Variants in ADGB observed in about 807,000 individuals in gnomAD.
ADGB encodes calpain-7-like protein.
ADGB carries 172 observed loss-of-function variants against 210.5 expected under a neutral mutation model. That is an observed-to-expected ratio of 0.82 (90% CI 0.72 to 0.93). The LOEUF (loss-of-function observed/expected upper bound fraction) is 0.93, where lower values mean the gene tolerates loss of function less well. ADGB is among the 40% of genes least tolerant of loss of function. The pLI, the probability that ADGB is intolerant of heterozygous loss-of-function variation, is 0.00. For synonymous variants in ADGB, 658 were observed against 662.7 expected (o/e 0.99, Z 0.11); for missense variants, 2,025 against 1,964.8 (o/e 1.03, Z -0.58).
chr6:146,769,494 C>A (rs1388488344), intron 29 of ADGB, among the ~76,000 whole-genome samples: 1 of 151,996 alleles, frequency 6.6e-6, no homozygotes, highest in African/African-American at 2.4e-5. Flanking sequence ...GCATTAAATA[C>A]AAGCTTTTAA....
chr6:146,656,485 C>T (rs939427124), intron 4 of ADGB, among the ~76,000 whole-genome samples: 20 of 152,144 alleles, frequency 1.3e-4, no homozygotes, highest in African/African-American at 4.3e-4. Context: ...ATATCAGTGT[C>T]AAATAGAAGT....
intron 29 of ADGB, 40 bp downstream of exon 29, chr6:146,769,171 G>T: frequency 2.1e-6 from 2 of 950,950 alleles, no homozygotes; most frequent in Non-Finnish European, 3.2e-6. Flanking sequence ...CTTTACATTT[G>T]AATAAGTTGA....
intron 22 of ADGB, among the ~76,000 whole-genome samples, chr6:146,736,197 T>G (rs1323551877): frequency 6.6e-6 from 1 of 152,212 alleles, no homozygotes; most frequent in African/African-American, 2.4e-5. Context: ...AAAAAAAGTT[T>G]TAGTGTGACA....
Position 146,701,028 on chromosome 6 carries a change from T to C in ADGB, c.1665T>C (p.His555=). The change falls in exon 13 of 36, where the codon CAT becomes CAC. Residue 555 remains histidine, a synonymous_variant. Coordinates refer to ENST00000397944, the MANE Select transcript of ADGB (RefSeq NM_024694.4). The part of the protein sequence containing the change: ...SVSETDETAT[H]SQTDLSQITK... ...GTGAAACTGATGAAACTGCAACACA[T>C]AGCCAGACAGACTTGAGTCAAATAA... The C allele has an allele frequency of 1.3e-6, 2 of 1,550,930 alleles. No homozygotes were observed. The highest frequency in any genetic ancestry group is 8.7e-7 in the Non-Finnish European group (1 of 1,146,450).
intron 25 of ADGB, among the ~76,000 whole-genome samples, chr6:146,743,548 G>C (rs1254519739): frequency 6.6e-6 from 1 of 152,190 alleles, no homozygotes; most frequent in African/African-American, 2.4e-5. Flanking sequence ...TGTAAATTGA[G>C]ATTGCAGCAA....
At chr6:146,649,163 T>G (rs1002494963) in intron 3 of ADGB, among the ~76,000 whole-genome samples, 8 of 151,228 alleles carry the variant, frequency 5.3e-5, no homozygotes, top group Admixed American at 2.0e-4. Context: ...AAGTTTTGTT[T>G]TTTTTTTTTT....
At chr6:146,811,216 C>G (rs1647171913) in intron 35 of ADGB, among the ~76,000 whole-genome samples, 2 of 152,100 alleles carry the variant, frequency 1.3e-5, no homozygotes, top group Non-Finnish European at 2.9e-5. Context: ...CTCATATGCT[C>G]ACACCAATAT....
At position 146,788,553 on chromosome 6, in the gene ADGB, G is replaced by A. The variant is rs1403207611; in HGVS notation, c.4480G>A (p.Gly1494Arg). 48 of 1,551,536 alleles carry A rather than the reference G, an allele frequency of 3.1e-5. No homozygotes were observed. Among genetic ancestry groups the A allele is most frequent in the Non-Finnish European group, 4.4e-6 (5 of 1,146,926 alleles). ...AAAATCCACGAGTAGCGAAAGTGGA[G>A]GAGTGTCTTCACCAGGGAAAGAAGA... ...VAKSTSSESG[G>R]VSSPGKEERE... Residue 1494 changes from glycine to arginine, a missense_variant, in exon 33 of 36, where the codon GGA becomes AGA. Transcript: ENST00000397944.
At chr6:146,666,092 C>T (rs1775933845) in intron 6 of ADGB, among the ~76,000 whole-genome samples, 1 of 152,016 alleles carries the variant, frequency 6.6e-6, no homozygotes, top group Admixed American at 6.6e-5. Flanking sequence ...AGTAAGATTT[C>T]TTTCTGAAGA....
intron 27 of ADGB, among the ~76,000 whole-genome samples, chr6:146,756,628 C>T (rs942163854): frequency 1.3e-5 from 2 of 151,978 alleles, no homozygotes; most frequent in African/African-American, 2.4e-5. Context: ...TGTAATTGTG[C>T]TCGCTAAACA....
At chr6:146,737,593 T>A (rs926645530) in intron 23 of ADGB, among the ~76,000 whole-genome samples, 1 of 152,192 alleles carries the variant, frequency 6.6e-6, no homozygotes, top group South Asian at 2.1e-4. Flanking sequence ...AGAACCCATT[T>A]CCTAAAAGGG....
chr6:146,604,066 G>A (rs1780598916), intron 1 of ADGB, among the ~76,000 whole-genome samples: 1 of 152,186 alleles, frequency 6.6e-6, no homozygotes, highest in Admixed American at 6.5e-5. Context: ...ACAACCCAAG[G>A]ATCAGCTGAG....
rs952416014 is a variant in ADGB at position 146,741,249 on chromosome 6, C to T, written c.3155C>T (p.Pro1052Leu). ...CCAAAGGTGTTCCAAAAAGTGGTGC[C>T]TTATCTTTATACCAAGAATAAGGTA... The part of the protein sequence containing the change: ...QVPKVFQKVV[P>L]YLYTKNKKGY... Residue 1052 changes from proline to leucine, a missense_variant, in exon 25 of 36, where the codon CCT becomes CTT. Physicochemically the swap from Pro to Leu is moderately conservative, Grantham distance 98. Transcript: ENST00000397944. 2 of 1,550,564 alleles carry T rather than the reference C, an allele frequency of 1.3e-6. No individual in the cohort carries two copies. The highest frequency in any genetic ancestry group is 3.9e-5 in the Admixed American group (2 of 50,846).
intron 4 of ADGB, among the ~76,000 whole-genome samples, chr6:146,655,885 G>A (rs556497507): frequency 6.6e-6 from 1 of 152,052 alleles, no homozygotes; most frequent in African/African-American, 2.4e-5. Context: ...ATCTTGCAAG[G>A]TCAATATTAA....
intron 1 of ADGB, among the ~76,000 whole-genome samples, chr6:146,632,778 A>C (rs17826169): frequency 0.45 from 68,346 of 151,946 alleles, 15,465 homozygotes; most frequent in Admixed American, 0.5. Context: ...GACTTTAAAT[A>C]TTTGTTCCTG....
chr6:146,624,708 G>A (rs1019400834), intron 1 of ADGB, among the ~76,000 whole-genome samples: 2 of 151,456 alleles, frequency 1.3e-5, no homozygotes, highest in Admixed American at 1.3e-4. Context: ...TACTTGACTA[G>A]GTATTTCGTC....
At chr6:146,808,542 C>CTGAG (rs1778248165) in intron 35 of ADGB, among the ~76,000 whole-genome samples, 1 of 152,210 alleles carries the variant, frequency 6.6e-6, no homozygotes, top group Non-Finnish European at 1.5e-5. Context: ...GTGGATTTAA[C>CTGAG]TGAGGCACAT....
intron 31 of ADGB, among the ~76,000 whole-genome samples, 192 bp from the exon 32 acceptor site, chr6:146,785,416 CTG>C (rs1777859238): frequency 6.6e-6 from 1 of 152,088 alleles, no homozygotes; most frequent in Admixed American, 6.5e-5. Flanking sequence ...TCAAAAATAA[CTG>C]TCAAAATCAT....
chr6:146,653,075 T>C (rs1775727006), intron 3 of ADGB, among the ~76,000 whole-genome samples: 1 of 152,106 alleles, frequency 6.6e-6, no homozygotes, highest in Admixed American at 6.6e-5. Context: ...AGCATTAGAT[T>C]CTCACTGCAG....
Sources: allele counts gnomAD v4.1 joint callset (sites outside exome capture counted in the v4.1 genomes callset), GRCh38; gene constraint gnomAD v4.1.1; transcripts MANE v1.5; gene names NCBI Gene and HGNC (gene_info 2026-07-23, HGNC 2026-07-21).